YWHAQ: variants seen among roughly 807,000 people sequenced by gnomAD.
YWHAQ encodes the protein tyrosine 3-monooxygenase/tryptophan 5-monooxygenase activation protein theta.
A neutral mutation model predicts 28.3 loss-of-function variants in YWHAQ; 6 were observed. The ratio of observed to expected loss-of-function variants is 0.21; its 90% confidence interval spans 0.12 to 0.42. The LOEUF is 0.42. Ranked by LOEUF, YWHAQ falls within the 10% of genes least tolerant of loss-of-function variation. The probability of loss-of-function intolerance (pLI) is 1.00; values close to 1 mark genes in which losing one functional copy is unlikely to be tolerated. For synonymous variants in YWHAQ, 143 were observed against 119.1 expected (o/e 1.20, Z -1.31); for missense variants, 201 against 305.6 (o/e 0.66, Z 2.55).
intron 2 of YWHAQ, among the ~76,000 whole-genome samples, chr2:9,626,517 C>G (rs892187574): frequency 6.6e-6 from 1 of 152,266 alleles, no homozygotes; most frequent in African/African-American, 2.4e-5. Context: ...CAACCTTCGC[C>G]TCCCAGATTC....
intron 2 of YWHAQ, among the ~76,000 whole-genome samples, chr2:9,597,129 G>C (rs1045430976): frequency 6.6e-5 from 10 of 152,108 alleles, no homozygotes; most frequent in Non-Finnish European, 1.2e-4. Context: ...AGACTATTAT[G>C]ATCTAAAGGT....
chr2:9,595,440 C>A lies in YWHAQ; in HGVS notation c.295-3925G>T, dbSNP rs374100898. On this transcript the variant is annotated intron_variant, in intron 2 of 5. Coordinates refer to ENST00000238081, the MANE Select transcript of YWHAQ (RefSeq NM_006826.4). ...GGAGCGAGGGCCAGGTGCCGTGACT[C>A]ATGCCTGTTATCCCAGCACTTTGGG... 2.0e-5 allele frequency among the ~76,000 whole-genome samples: 3 copies of A among 152,206 alleles called. No individual in the cohort carries two copies. The East Asian group carries it at 5.8e-4, about 29-fold the overall frequency.
intron 2 of YWHAQ, among the ~76,000 whole-genome samples, chr2:9,616,746 C>T (rs1048009184): frequency 9.9e-5 from 15 of 152,156 alleles, no homozygotes; most frequent in African/African-American, 3.4e-4. Context: ...GAAACTGGAA[C>T]TCTCTTACAC....
intron 2 of YWHAQ, among the ~76,000 whole-genome samples, chr2:9,595,698 C>CAA (rs34902007): frequency 2.5e-4 from 19 of 75,376 alleles, no homozygotes; most frequent in East Asian, 6.0e-4. Context: ...AATTCCATCT[C>CAA]AAAAAAAAAA....
chr2:9,593,856 A>G (rs1666508391), intron 2 of YWHAQ, among the ~76,000 whole-genome samples: 2 of 149,730 alleles, frequency 1.3e-5, no homozygotes, highest in South Asian at 4.2e-4. Flanking sequence ...AAACCAGAAA[A>G]ACATTAAAAA....
intron 2 of YWHAQ, among the ~76,000 whole-genome samples, chr2:9,609,787 A>G (rs1666908824): frequency 6.6e-6 from 1 of 152,244 alleles, no homozygotes; most frequent in South Asian, 2.1e-4. Context: ...GTAACCAATT[A>G]AAGCACCACA....
At chr2:9,606,814 A>AT (rs1666839588) in intron 2 of YWHAQ, among the ~76,000 whole-genome samples, 1 of 151,684 alleles carries the variant, frequency 6.6e-6, no homozygotes, top group African/African-American at 2.4e-5. Context: ...TAATTAGTTC[A>AT]TTTTTTAGCT....
At chr2:9,595,812 C>T (rs151053894) in intron 2 of YWHAQ, among the ~76,000 whole-genome samples, 2 of 151,908 alleles carry the variant, frequency 1.3e-5, no homozygotes, top group South Asian at 2.1e-4. Context: ...CTTGTAAACT[C>T]GTTAGCAAAT....
chr2:9,621,279 TC>T (rs909567682), intron 2 of YWHAQ, among the ~76,000 whole-genome samples: 2 of 152,174 alleles, frequency 1.3e-5, no homozygotes, highest in Non-Finnish European at 2.9e-5. Flanking sequence ...TACTTAGCAC[TC>T]ATCACCCAAA....
intron 4 of YWHAQ, 55 bp downstream of exon 4, chr2:9,588,110 C>G: frequency 2.0e-6 from 3 of 1,472,724 alleles, no homozygotes; most frequent in African/African-American, 1.5e-5. Context: ...ATTAACATAC[C>G]TGGTATCTCA....
In YWHAQ at chr2:9,630,864, C is replaced by G. The variant is rs1315898384; in HGVS notation, c.-83+77G>C. The G allele has an allele frequency of 6.5e-6, 1 of 152,730 alleles. No individual in the cohort carries two copies. Among genetic ancestry groups the G allele is most frequent in the Admixed American group, 6.5e-5 (1 of 15,304 alleles). 9.5% of individuals were successfully genotyped at this position (152,730 alleles called of 1,614,324 possible). On this transcript the variant is annotated intron_variant, in intron 1 of 5. Coordinates refer to ENST00000238081, the MANE Select transcript of YWHAQ (RefSeq NM_006826.4). This position sits in a 1 kb window ranked among gnomAD's most constrained non-coding sequence, Gnocchi z 5.6. ...GGAGCGGCATCGACAACCGGCTGCT[C>G]TCAAGGGCGGCACCTCCGCCCGGCC...
rs888923983 is a variant in YWHAQ at position 9,584,598 on chromosome 2, C to A, written c.*688G>T. 10 of 152,550 alleles carry A rather than the reference C, an allele frequency of 6.6e-5. No individual in the cohort carries two copies. Among genetic ancestry groups the A allele is most frequent in the African/African-American group, 2.2e-4 (9 of 41,410 alleles). The allele number at this position is 152,550 out of a possible 1,614,324, so 9.4% of individuals were successfully genotyped here. On this transcript the variant is annotated 3_prime_UTR_variant, in exon 6 of 6. Coordinates refer to ENST00000238081, the MANE Select transcript of YWHAQ (RefSeq NM_006826.4). ...CTTCTATCACATAGTAAAGTGAATA[C>A]CAGAACTACAAAGGCAGGAGGTGTA...
intron 2 of YWHAQ, among the ~76,000 whole-genome samples, chr2:9,605,201 T>C (rs1159114970): frequency 6.7e-6 from 1 of 148,904 alleles, no homozygotes; most frequent in Admixed American, 6.8e-5. Flanking sequence ...TACAGTGGCA[T>C]CATCTCAGCT....
At chr2:9,587,668 T>C (rs1666372234) in intron 4 of YWHAQ, among the ~76,000 whole-genome samples, 159 bp from the exon 5 acceptor site, 2 of 152,228 alleles carry the variant, frequency 1.3e-5, no homozygotes, top group Admixed American at 1.3e-4. Flanking sequence ...GTTTAAGAAC[T>C]TATGAGTATG....
At chr2:9,613,059 C>T (rs542018345) in intron 2 of YWHAQ, among the ~76,000 whole-genome samples, 1 of 152,302 alleles carries the variant, frequency 6.6e-6, no homozygotes, top group South Asian at 2.1e-4. Context: ...GAGGGACAAA[C>T]CCTCAACCAT....
At chr2:9,619,246 G>C (rs1043587529) in intron 2 of YWHAQ, among the ~76,000 whole-genome samples, 1 of 152,068 alleles carries the variant, frequency 6.6e-6, no homozygotes, top group Non-Finnish European at 1.5e-5. Flanking sequence ...AGTGCTTTTT[G>C]GTATCTGTAT....
chr2:9,602,852 AAAAAAAAAAAATATATATATATATATAT>A lies in YWHAQ; in HGVS notation c.295-11365_295-11338del, dbSNP rs1412957721. ...TTTAAAAAAAAAAAAAAAAAAAAAAAAAAAAAAAAAATATATATATATATATATATATATATATATATATATATATAGT... is the reference window on the plus strand; with the variant it reads ...TTTAAAAAAAAAAAAAAAAAAAAAAAATATATATATATATATATATATAGT... On this transcript the variant is annotated intron_variant, in intron 2 of 5. Coordinates refer to ENST00000238081, the MANE Select transcript of YWHAQ (RefSeq NM_006826.4). Among the ~76,000 whole-genome samples the A allele has an allele frequency of 4.0e-3, 57 of 14,244 alleles. 1 individual carries two copies. The highest frequency in any genetic ancestry group is 0.013 in the African/African-American group (55 of 4,104). 9.3% of individuals were successfully genotyped at this position (14,244 alleles called of 152,430 possible).
intron 3 of YWHAQ, 108 bp from the exon 4 acceptor site, chr2:9,588,436 T>C: frequency 7.7e-7 from 1 of 1,292,990 alleles, no homozygotes; most frequent in African/African-American, 1.6e-5. Context: ...ACCAAGATTT[T>C]TTCTCTGTAT....
intron 2 of YWHAQ, among the ~76,000 whole-genome samples, chr2:9,629,129 C>T (rs180862729): frequency 6.6e-6 from 1 of 151,948 alleles, no homozygotes; most frequent in African/African-American, 2.4e-5. Flanking sequence ...AATCCCCAGT[C>T]TAGTATGCTT....
Sources: allele counts gnomAD v4.1 joint callset (sites outside exome capture counted in the v4.1 genomes callset), GRCh38; gene constraint gnomAD v4.1.1; non-coding constraint Gnocchi (gnomAD v3.1); transcripts MANE v1.5; gene names NCBI Gene and HGNC (gene_info 2026-07-23, HGNC 2026-07-21).